Variants in AGRN observed in about 807,000 individuals in gnomAD.
The protein encoded by AGRN is agrin proteoglycan.
A neutral mutation model predicts 211.0 loss-of-function variants in AGRN; 106 were observed. That is an observed-to-expected ratio of 0.50 (90% CI 0.43 to 0.59). The LOEUF is 0.59. Ranked by LOEUF, AGRN falls within the 20% of genes least tolerant of loss-of-function variation. The probability of loss-of-function intolerance (pLI) is 0.00; values close to 1 mark genes in which losing one functional copy is unlikely to be tolerated. For synonymous variants in AGRN, 1,525 were observed against 1,332.5 expected, an observed-to-expected ratio of 1.14 and a Z score of -3.15; for missense variants, 3,040 against 2,982.6, an observed-to-expected ratio of 1.02 and a Z score of -0.45.
At chr1:1,050,891 G>T in intron 30 of AGRN, 54 bp downstream of exon 30, 1 of 1,520,844 alleles carries the variant, frequency 6.6e-7, no homozygotes, top group Non-Finnish European at 8.8e-7. Flanking sequence ...CTTCCTCCTC[G>T]GGCGGCAGCC....
chr1:1,045,230 A>G lies in AGRN; in HGVS notation c.2324A>G (p.Gln775Arg), dbSNP rs370381176. The change falls in exon 13 of 36, where the codon CAG (glutamine) becomes CGG (arginine). Residue 775 changes from glutamine to arginine, a missense_variant. Transcript: ENST00000379370. ...HCAQTPYGCC[Q>R]DNITAARGVG... ...GCCCAGACGCCCTACGGCTGCTGCC[A>G]GGACAATATCACCGCAGCCCGGGGC... The G allele has an allele frequency of 6.2e-6, 10 of 1,612,346 alleles. No homozygotes were observed. The highest frequency in any genetic ancestry group is 5.3e-5 in the African/African-American group (4 of 74,918).
In AGRN at chr1:1,050,462, G is replaced by A. The variant is rs769667244; in HGVS notation, c.5012G>A (p.Arg1671Gln). 1.2e-5 allele frequency: 20 copies of A among 1,612,796 alleles called. No individual in the cohort carries two copies. Among genetic ancestry groups the A allele is most frequent in the East Asian group, 2.2e-5 (1 of 44,892 alleles). ...KMALEVVFLARGPSGLLLYNG... is the reference protein window; with the variant it reads ...KMALEVVFLAQGPSGLLLYNG... ...GCGCTGGAGGTCGTGTTCCTGGCAC[G>A]AGGCCCCAGCGGCCTCCTGCTCTAC... is the stretch of plus-strand genomic sequence containing the variant. The change falls in exon 29 of 36, where the codon CGA (arginine) becomes CAA (glutamine). Residue 1671 changes from arginine to glutamine, a missense_variant. This residue lies in a region of AGRN where 1,537 missense variants were observed against 1,505.0 expected (regional missense o/e 1.02). Coordinates refer to ENST00000379370, the MANE Select transcript of AGRN (RefSeq NM_198576.4).
Position 1,051,492 on chromosome 1 carries a change from G to T in AGRN, c.5410G>T (p.Val1804Leu). ...CCGCCAGCTGCTGACCCCGGAGCACGTGCTGCGGCAGGTGGACGTCACGTC... is the reference window on the plus strand; with the variant it reads ...CCGCCAGCTGCTGACCCCGGAGCACTTGCTGCGGCAGGTGGACGTCACGTC... ...GGRQLLTPEH[V>L]LRQVDVTSFA... The change falls in exon 32 of 36, where the codon GTG (valine) becomes TTG (leucine). Residue 1804 changes from valine to leucine, a missense_variant. Around this residue, in one of 3 missense-constraint regions of AGRN, gnomAD observed 1,537 missense variants for 1,505.0 expected, o/e 1.02. Coordinates refer to ENST00000379370, the MANE Select transcript of AGRN (RefSeq NM_198576.4). 1 of 1,570,804 alleles carries T rather than the reference G, an allele frequency of 6.4e-7. No individual in the cohort carries two copies. Among genetic ancestry groups the T allele is most frequent in the Non-Finnish European group, 8.6e-7 (1 of 1,161,636 alleles).
Position 1,050,247 on chromosome 1 carries a change from G to C in AGRN, c.4894G>C (p.Gly1632Arg). 1 of 1,613,110 alleles carries C rather than the reference G, an allele frequency of 6.2e-7. No homozygotes were observed. The highest frequency in any genetic ancestry group is 8.5e-7 in the Non-Finnish European group (1 of 1,179,946). Reference protein sequence around the residue: ...TFCQTASGQDGSGPFLADFNG... With the variant: ...TFCQTASGQDRSGPFLADFNG... ...TCTCCCTACAGCCTCGGGGCAGGACGGCTCTGGGCCCTTCCTGGCTGACTT... is the reference window on the plus strand; with the variant it reads ...TCTCCCTACAGCCTCGGGGCAGGACCGCTCTGGGCCCTTCCTGGCTGACTT... The change falls in exon 28 of 36, where the codon GGC (glycine) becomes CGC (arginine). Residue 1632 changes from glycine (G) to arginine (R), a missense_variant. Transcript: ENST00000379370.
chr1:1,037,569 C>T (rs995331950), intron 3 of AGRN, among the ~76,000 whole-genome samples: 1 of 151,702 alleles, frequency 6.6e-6, no homozygotes, highest in Non-Finnish European at 1.5e-5. Flanking sequence ...GGACCCGTCA[C>T]GCTGCGGGAG....
intron 30 of AGRN, 122 bp downstream of exon 30, chr1:1,050,959 C>A: frequency 6.5e-7 from 1 of 1,549,366 alleles, no homozygotes; most frequent in South Asian, 1.2e-5. Context: ...GGCCGCCTGC[C>A]CTGTCCTCTG....
intron 30 of AGRN, 165 bp downstream of exon 30, chr1:1,051,002 C>A: frequency 6.5e-7 from 1 of 1,550,076 alleles, no homozygotes; most frequent in East Asian, 2.4e-5. Flanking sequence ...TGCTCTCGCT[C>A]TGCAACCCCA....
intron 29 of AGRN, 23 bp from the exon 30 acceptor site, chr1:1,050,703 C>A: frequency 6.2e-7 from 1 of 1,600,052 alleles, no homozygotes; most frequent in Non-Finnish European, 8.5e-7. Flanking sequence ...ACAGAGCCCA[C>A]TCACGCTGCC....
chr1:1,044,909 A>T (rs906794347), intron 12 of AGRN, among the ~76,000 whole-genome samples: 2 of 152,286 alleles, frequency 1.3e-5, no homozygotes, highest in East Asian at 1.9e-4. Context: ...GTGTGTGTGC[A>T]CAGAGCTGCG....
chr1:1,049,702 CACCCCTGCCTGCCCA>C lies in AGRN; in HGVS notation c.4661_4675del (p.Leu1554_Cys1558del), dbSNP rs1557717984. 1 of 1,576,512 alleles carries C rather than the reference CACCCCTGCCTGCCCA, an allele frequency of 6.3e-7. No individual in the cohort carries two copies. The highest frequency in any genetic ancestry group is 1.1e-5 in the South Asian group (1 of 87,086). Reference sequence around the variant, plus strand: ...CTCTGGCGTGGGCGAGTGCGGGGACCACCCCTGCCTGCCCAACCCCTGCCATGGCGGGGCCCCATG... The same window carrying C: ...CTCTGGCGTGGGCGAGTGCGGGGACCACCCCTGCCATGGCGGGGCCCCATG... On this transcript the variant is annotated inframe_deletion, in exon 26 of 36. Coordinates refer to ENST00000379370, the MANE Select transcript of AGRN (RefSeq NM_198576.4).
In AGRN at chr1:1,049,529, C is replaced by T. The variant is rs368591535; in HGVS notation, c.4515-37C>T. 17 of 1,590,946 alleles carry T rather than the reference C, an allele frequency of 1.1e-5. No homozygotes were observed. The African/African-American group carries it at 1.3e-4, about 13-fold the overall frequency. ...GTGTACGAGGTGGCTTTGCCTGTGG[C>T]CCCTGAGCCCTGACCCGGTGTCCCT... On this transcript the variant is annotated intron_variant, in intron 25 of 35. Transcript: ENST00000379370.
rs544843657 is a variant in AGRN, at chr1:1,028,557, G to A, written c.463+6095G>A. Among the ~76,000 whole-genome samples, 22 of 121,526 alleles carry A rather than the reference G, an allele frequency of 1.8e-4. 1 individual carries two copies. The highest frequency in any genetic ancestry group is 5.8e-4 in the African/African-American group (20 of 34,640). 79.7% of individuals were successfully genotyped at this position (121,526 alleles called of 152,430 possible). Reference sequence around the variant, plus strand: ...ATGGGCCAAGGGCACCCACAGCCACGCCACCCTTTCCGAAGGAACCGAGCC... The same window carrying A: ...ATGGGCCAAGGGCACCCACAGCCACACCACCCTTTCCGAAGGAACCGAGCC... On this transcript the variant is annotated intron_variant, in intron 2 of 35. Transcript: ENST00000379370.
At chr1:1,039,686 G>A (rs1644883254) in intron 3 of AGRN, among the ~76,000 whole-genome samples, 1 of 152,108 alleles carries the variant, frequency 6.6e-6, no homozygotes. Context: ...CGTGTGTCAG[G>A]CGCTGTGGTC....
At chr1:1,042,321 G>A (rs934916666) in intron 7 of AGRN, among the ~76,000 whole-genome samples, 159 bp downstream of exon 7, 14 of 152,206 alleles carry the variant, frequency 9.2e-5, no homozygotes, top group African/African-American at 1.9e-4. Flanking sequence ...GCCTGTGTGC[G>A]GAGGGTACCT....
chr1:1,046,917 G>A lies in AGRN; in HGVS notation c.3348G>A (p.Gly1116=), dbSNP rs139977979. Residue 1116 remains glycine (G), a synonymous_variant, in exon 19 of 36, where the codon GGG becomes GGA. Coordinates refer to ENST00000379370, the MANE Select transcript of AGRN (RefSeq NM_198576.4). ...YNSALGCCSD[G]KTPSLDAEGS... ...CCGCGTTGGGCTGCTGCTCTGATGG[G>A]AAGACGCCCTCGCTGGACGCAGAGG... 3.8e-6 allele frequency: 6 copies of A among 1,580,560 alleles called. No individual in the cohort carries two copies. In the African/African-American group the frequency reaches 4.0e-5, roughly 11 times the overall value.
At chr1:1,033,782 C>G (rs551498033) in intron 2 of AGRN, among the ~76,000 whole-genome samples, 2 of 146,694 alleles carry the variant, frequency 1.4e-5, no homozygotes, top group South Asian at 4.4e-4. Context: ...CCGGCCCAGC[C>G]CCAGCCCCAG....
In AGRN at chr1:1,041,392, C is replaced by T; in HGVS notation, c.947C>T (p.Pro316Leu). The T allele has an allele frequency of 6.5e-7, 1 of 1,545,284 alleles. No individual in the cohort carries two copies. Among genetic ancestry groups the T allele is most frequent in the Admixed American group, 1.9e-5 (1 of 51,370 alleles). Residue 316 changes from proline to leucine, a missense_variant, in exon 5 of 36, where the codon CCT (proline) becomes CTT (leucine). Coordinates refer to ENST00000379370, the MANE Select transcript of AGRN (RefSeq NM_198576.4). The part of the protein sequence containing the change: ...QENVFKKFDG[P>L]CDPCQGALPD... ...AATGTCTTCAAGAAGTTCGACGGCC[C>T]TTGTGGTGAGCGCGGCGGCGGGCGC...
At position 1,044,248 on chromosome 1, in the gene AGRN, A is replaced by C. The variant is rs1645028914; in HGVS notation, c.2139A>C (p.Pro713=). Residue 713 remains proline, a synonymous_variant, in exon 11 of 36, where the codon CCA becomes CCC. Transcript: ENST00000379370. The stretch of plus-strand genomic sequence containing the variant: ...GTGACTTCAGCTGCCAGAGTGTCCC[A>C]GGCAGCCCGGTGAGCTCTGTACCCC... ...CVCDFSCQSV[P]GSPVCGSDGV... The C allele has an allele frequency of 1.2e-6, 2 of 1,612,538 alleles. No homozygotes were observed. Among genetic ancestry groups the C allele is most frequent in the Non-Finnish European group, 1.7e-6 (2 of 1,179,840 alleles).
intron 2 of AGRN, among the ~76,000 whole-genome samples, chr1:1,033,181 C>T (rs879930690): frequency 2.6e-5 from 4 of 152,026 alleles, no homozygotes; most frequent in Non-Finnish European, 5.9e-5. Flanking sequence ...ATGACCCCGC[C>T]CCGCGCGGGA....
Sources: gnomAD v4.1 joint callset for allele counts (sites outside exome capture counted in the v4.1 genomes callset) on GRCh38, gnomAD v4.1.1 for gene constraint, gnomAD v4.1.1 regional missense constraint, MANE v1.5 for transcripts, NCBI Gene and HGNC (gene_info 2026-07-23, HGNC 2026-07-21) for gene names.